PALD1: variants seen among roughly 807,000 people sequenced by gnomAD.
The protein encoded by PALD1 is paladin.
In PALD1, 57 loss-of-function variants were observed where a neutral mutation model predicts 96.0. The observed-to-expected ratio is 0.59, with a 90% CI of 0.48 to 0.74. The LOEUF (loss-of-function observed/expected upper bound fraction) is 0.74. Ranked by LOEUF, PALD1 falls within the 30% of genes least tolerant of loss-of-function variation. The pLI, the probability that PALD1 is intolerant of heterozygous loss-of-function variation, is 0.00. For synonymous variants in PALD1, 464 were observed against 473.6 expected (o/e 0.98, Z 0.26); for missense variants, 1,063 against 1,143.7 (o/e 0.93, Z 1.02).
At chr10:70,525,840 T>C in intron 1 of PALD1, 83 bp from the exon 2 acceptor site, 1 of 1,069,488 alleles carries the variant, frequency 9.4e-7, no homozygotes, top group East Asian at 2.4e-5. Flanking sequence ...TTTCTCTGTA[T>C]GGTGGAGGGC....
intron 3 of PALD1, among the ~76,000 whole-genome samples, chr10:70,529,591 C>T (rs1846951156): frequency 6.6e-6 from 1 of 152,150 alleles, no homozygotes; most frequent in African/African-American, 2.4e-5. Flanking sequence ...GAGCCTCTCC[C>T]TGCTCTTTCC....
In PALD1 at chr10:70,541,184, G is replaced by A; in HGVS notation, c.1991G>A (p.Gly664Asp). 6.2e-7 allele frequency: 1 copy of A among 1,613,900 alleles called. No individual in the cohort carries two copies. Residue 664 changes from glycine to aspartate, a missense_variant, in exon 16 of 20, where the codon GGC becomes GAC. Physicochemically the swap from Gly to Asp is moderately conservative, Grantham distance 94. Transcript: ENST00000263563. The stretch of plus-strand genomic sequence containing the variant: ...GGCTTCGTGTTCAGCTGCCTCAGCG[G>A]CCAGGGCCGTACCACAACTGCGATG... ...GTGFVFSCLS[G>D]QGRTTTAMVV... is the part of the protein sequence containing the mutation.
At chr10:70,556,505 C>A (rs1315118709) in intron 18 of PALD1, among the ~76,000 whole-genome samples, 1 of 151,992 alleles carries the variant, frequency 6.6e-6, no homozygotes, top group African/African-American at 2.4e-5. Flanking sequence ...TCTGTAGAGA[C>A]AGGGTCTTTG....
intron 17 of PALD1, among the ~76,000 whole-genome samples, chr10:70,543,588 T>C (rs1269257773): frequency 6.6e-6 from 1 of 152,242 alleles, no homozygotes; most frequent in Admixed American, 6.5e-5. Context: ...TCTAAGTTTA[T>C]TCTTTTGCAT....
intron 1 of PALD1, among the ~76,000 whole-genome samples, chr10:70,506,127 G>C (rs557942197): frequency 6.6e-6 from 1 of 152,300 alleles, no homozygotes; most frequent in African/African-American, 2.4e-5. Context: ...TTATCACACA[G>C]AATGTCAAAT....
chr10:70,511,165 A>G (rs1383820893), intron 1 of PALD1, among the ~76,000 whole-genome samples: 7 of 152,244 alleles, frequency 4.6e-5, no homozygotes, highest in African/African-American at 1.4e-4. Context: ...CCTAAAAATA[A>G]CAGAGTGCAT....
At chr10:70,532,944 G>A in intron 6 of PALD1, 51 bp from the exon 7 acceptor site, 2 of 1,535,044 alleles carry the variant, frequency 1.3e-6, no homozygotes, top group South Asian at 1.2e-5. Context: ...GGGGTGAGGG[G>A]GATTCCCAGA....
At chr10:70,516,485 T>C (rs879085654) in intron 1 of PALD1, among the ~76,000 whole-genome samples, 1 of 152,216 alleles carries the variant, frequency 6.6e-6, no homozygotes, top group Admixed American at 6.5e-5. Context: ...TTTAATAACA[T>C]ATATTATTTA....
chr10:70,534,010 A>C lies in PALD1; in HGVS notation c.959A>C (p.Asn320Thr), dbSNP rs759173599. Reference protein sequence around the residue: ...FSCQMGVGRTNLGMVLGTLIL... With the variant: ...FSCQMGVGRTTLGMVLGTLIL... ...TGCCAGATGGGCGTGGGCAGGACCA[A>C]CCTGGGCATGGTCCTGGGCACCCTC... The change falls in exon 8 of 20, where the codon AAC becomes ACC. Residue 320 changes from asparagine (N) to threonine (T), a missense_variant. Coordinates refer to ENST00000263563, the MANE Select transcript of PALD1 (RefSeq NM_014431.3). 2.4e-5 allele frequency: 38 copies of C among 1,613,048 alleles called. No homozygotes were observed. The highest frequency in any genetic ancestry group is 2.8e-5 in the Non-Finnish European group (33 of 1,179,590).
At chr10:70,562,954 C>T (rs1847771918) in intron 18 of PALD1, among the ~76,000 whole-genome samples, 1 of 152,110 alleles carries the variant, frequency 6.6e-6, no homozygotes, top group Non-Finnish European at 1.5e-5. Context: ...CACAAATCTC[C>T]CATACATCTT....
intron 18 of PALD1, among the ~76,000 whole-genome samples, chr10:70,556,525 C>G (rs753923259): frequency 6.6e-6 from 1 of 151,986 alleles, no homozygotes; most frequent in Non-Finnish European, 1.5e-5. Context: ...GCTGTGGTGC[C>G]CAGGCTGGCC....
intron 18 of PALD1, among the ~76,000 whole-genome samples, chr10:70,554,511 G>A (rs1484885600): frequency 2.0e-5 from 3 of 152,160 alleles, no homozygotes; most frequent in African/African-American, 7.2e-5. Flanking sequence ...CCAGCGCTTT[G>A]GACGGAAGTT....
At chr10:70,522,841 G>A (rs949117257) in intron 1 of PALD1, among the ~76,000 whole-genome samples, 10 of 152,170 alleles carry the variant, frequency 6.6e-5, no homozygotes, top group Non-Finnish European at 7.3e-5. Flanking sequence ...GCTGGAAGGG[G>A]CTTTCAGACC....
At chr10:70,545,549 C>G (rs1303847071) in intron 17 of PALD1, among the ~76,000 whole-genome samples, 1 of 152,018 alleles carries the variant, frequency 6.6e-6, no homozygotes, top group African/African-American at 2.4e-5. Context: ...GTAACCTAAA[C>G]AGGCTTCAGT....
intron 18 of PALD1, among the ~76,000 whole-genome samples, chr10:70,549,126 G>C (rs1847428859): frequency 6.6e-6 from 1 of 151,812 alleles, no homozygotes; most frequent in African/African-American, 2.4e-5. Flanking sequence ...ACGGACTTTG[G>C]TGAATTTAGG....
At chr10:70,544,020 C>T (rs1167851187) in intron 17 of PALD1, among the ~76,000 whole-genome samples, 1 of 152,194 alleles carries the variant, frequency 6.6e-6, no homozygotes, top group African/African-American at 2.4e-5. Context: ...TATCCTCACC[C>T]ACCCCCAGAT....
At chr10:70,497,711 C>T (rs770141423) in intron 1 of PALD1, among the ~76,000 whole-genome samples, 19 of 151,882 alleles carry the variant, frequency 1.3e-4, no homozygotes, top group South Asian at 4.2e-4. Context: ...GGACTACAGG[C>T]GTGTGCCACC....
chr10:70,554,885 A>G, intron 18 of PALD1, among the ~76,000 whole-genome samples: 1 of 120,198 alleles, frequency 8.3e-6, no homozygotes, highest in Non-Finnish European at 1.7e-5. Context: ...TTTAACTTTG[A>G]GCAGTGCTTT....
rs75696195 is a variant in PALD1 at position 70,494,052 on chromosome 10, G to A, written c.-30+14993G>A. On this transcript the variant is annotated intron_variant, in intron 1 of 19. Coordinates refer to ENST00000263563, the MANE Select transcript of PALD1 (RefSeq NM_014431.3). ...CCAGCCTCATGCTCACCTTGTCACA[G>A]CCGCACCGGCTAGCTCATGGCTCTT... is the stretch of plus-strand genomic sequence containing the variant. Among the ~76,000 whole-genome samples, 867 of 152,250 alleles carry A rather than the reference G, an allele frequency of 5.7e-3. 9 individuals carry two copies. The highest frequency in any genetic ancestry group is 0.02 in the African/African-American group (825 of 41,544).
Sources: gnomAD v4.1 joint callset for allele counts (sites outside exome capture counted in the v4.1 genomes callset) on GRCh38, gnomAD v4.1.1 for gene constraint, MANE v1.5 for transcripts, NCBI Gene and HGNC (gene_info 2026-07-23, HGNC 2026-07-21) for gene names.